Variants in DOCK3 observed in about 807,000 individuals in gnomAD.
The protein encoded by DOCK3 is dedicator of cytokinesis 3.
Under a neutral mutation model 265.6 loss-of-function variants are expected in DOCK3, and 60 were observed. The observed-to-expected ratio is 0.23, with a 90% CI of 0.18 to 0.28. The LOEUF (loss-of-function observed/expected upper bound fraction) is 0.28, where lower values mean the gene tolerates loss of function less well. Among genes scored for constraint, DOCK3 ranks in the 10% least tolerant of loss-of-function variants. The pLI is 1.00. For missense variants in DOCK3, 1,981 were observed against 2,594.3 expected, an observed-to-expected ratio of 0.76 and a Z score of 5.14; for synonymous variants, 881 against 938.0, an observed-to-expected ratio of 0.94 and a Z score of 1.11.
At chr3:50,781,352 C>T (rs1335404094) in intron 2 of DOCK3, among the ~76,000 whole-genome samples, 3 of 145,092 alleles carry the variant, frequency 2.1e-5, no homozygotes, top group Non-Finnish European at 3.0e-5. Context: ...ACTGTAGCCT[C>T]GACCTCCTTG....
At chr3:51,380,954 A>C (rs929285466) in intron 52 of DOCK3, 96 bp from the exon 53 acceptor site, 3 of 1,438,504 alleles carry the variant, frequency 2.1e-6, no homozygotes, top group Admixed American at 4.4e-5. Flanking sequence ...ATGAGGGTTA[A>C]AGTTCATTCA....
intron 22 of DOCK3, 138 bp from the exon 23 acceptor site, chr3:51,260,018 A>G (rs1301406282): frequency 4.9e-6 from 4 of 812,780 alleles, no homozygotes; most frequent in Non-Finnish European, 5.5e-6. Context: ...TAAAGTACCT[A>G]TCTATCTCCA....
At chr3:51,228,604 T>A in intron 17 of DOCK3, 57 bp from the exon 18 acceptor site, 1 of 1,553,230 alleles carries the variant, frequency 6.4e-7, no homozygotes, top group Non-Finnish European at 8.7e-7. Flanking sequence ...TCCTAGGACC[T>A]GGTTTTTGCA....
At chr3:51,010,746 A>C in intron 5 of DOCK3, among the ~76,000 whole-genome samples, 1 of 152,182 alleles carries the variant, frequency 6.6e-6, no homozygotes, top group Admixed American at 6.5e-5. Context: ...ACGCTTTTTC[A>C]GTGACTGGTA....
chr3:50,752,401 C>T (rs1356284647), intron 1 of DOCK3, among the ~76,000 whole-genome samples: 3 of 151,582 alleles, frequency 2.0e-5, no homozygotes, highest in Admixed American at 1.3e-4. Flanking sequence ...CCCAGCTACT[C>T]GGGAGGCTGA....
chr3:50,935,371 A>G (rs1353234547), intron 5 of DOCK3, among the ~76,000 whole-genome samples: 2 of 152,184 alleles, frequency 1.3e-5, no homozygotes, highest in Non-Finnish European at 2.9e-5. Context: ...AGTCTGTAGA[A>G]TGAACTGGAA....
rs545590938 is a variant in DOCK3 at position 50,947,439 on chromosome 3, G to T, written c.315+13362G>T. Among the ~76,000 whole-genome samples, 11 of 152,166 alleles carry T rather than the reference G, an allele frequency of 7.2e-5. 1 individual carries two copies. The South Asian group carries it at 2.3e-3, about 32-fold the overall frequency. ...ATTTCAGTTGAAAGCATTTGCAGGA[G>T]AAATAATTTATCAGGGTTCTTAGAT... On this transcript the variant is annotated intron_variant, in intron 5 of 52. Coordinates refer to ENST00000266037, the MANE Select transcript of DOCK3 (RefSeq NM_004947.5).
At chr3:51,153,692 T>G (rs374374425) in intron 10 of DOCK3, among the ~76,000 whole-genome samples, 13 of 152,350 alleles carry the variant, frequency 8.5e-5, no homozygotes, top group African/African-American at 2.9e-4. Context: ...CATACTGTTG[T>G]TCATGGTCTG....
At chr3:51,330,267 T>G (rs1486615074) in intron 33 of DOCK3, 44 bp downstream of exon 33, 1 of 1,545,340 alleles carries the variant, frequency 6.5e-7, no homozygotes, top group Admixed American at 1.9e-5. Context: ...GGGGATGGGA[T>G]GAAGTGGGCC....
chr3:51,305,364 A>T (rs556513489), intron 27 of DOCK3, among the ~76,000 whole-genome samples: 2 of 152,212 alleles, frequency 1.3e-5, no homozygotes, highest in Non-Finnish European at 2.9e-5. Flanking sequence ...GTCTGATGTT[A>T]ATATAGCCAT....
intron 1 of DOCK3, among the ~76,000 whole-genome samples, chr3:50,769,989 A>G (rs534521018): frequency 7.2e-4 from 110 of 152,248 alleles, no homozygotes; most frequent in African/African-American, 2.6e-3. Context: ...ATGAGAATTC[A>G]GTAAAGTTGC....
At chr3:50,695,776 A>G (rs1486580384) in intron 1 of DOCK3, among the ~76,000 whole-genome samples, 1 of 152,190 alleles carries the variant, frequency 6.6e-6, no homozygotes, top group African/African-American at 2.4e-5. Context: ...TCTACTTCGG[A>G]TCCCACTTCT....
chr3:50,906,040 G>A (rs1267076807), intron 4 of DOCK3, among the ~76,000 whole-genome samples: 1 of 151,886 alleles, frequency 6.6e-6, no homozygotes, highest in Non-Finnish European at 1.5e-5. Context: ...TTTGTCTTTG[G>A]TTCTGTTTAT....
At chr3:50,828,713 T>C (rs1175235453) in intron 2 of DOCK3, among the ~76,000 whole-genome samples, 1 of 150,392 alleles carries the variant, frequency 6.6e-6, no homozygotes, top group Non-Finnish European at 1.5e-5. Context: ...CCTTTTACCC[T>C]TTTCTTTTAT....
At chr3:51,356,811 G>A in intron 43 of DOCK3, 151 bp from the exon 44 acceptor site, 1 of 920,160 alleles carries the variant, frequency 1.1e-6, no homozygotes, top group Non-Finnish European at 1.6e-6. Flanking sequence ...CTATAAATCA[G>A]ACAACAGAAG....
At chr3:50,683,271 T>C (rs1017170101) in intron 1 of DOCK3, among the ~76,000 whole-genome samples, 1 of 152,258 alleles carries the variant, frequency 6.6e-6, no homozygotes, top group Non-Finnish European at 1.5e-5. Context: ...GTATTTTATA[T>C]TTCCGTTAAC....
chr3:51,101,591 C>T (rs1003894846), intron 9 of DOCK3, among the ~76,000 whole-genome samples: 1 of 152,202 alleles, frequency 6.6e-6, no homozygotes, highest in East Asian at 1.9e-4. Context: ...ATAATATGTA[C>T]ACACTAATTC....
rs993761539 is a variant in DOCK3, at chr3:50,875,662, C to T, written c.163-14364C>T. ...CCCTGGGATGAATCCCACTTGATCA[C>T]GATGAATGATGTTTTTGATATGTTG... is the stretch of plus-strand genomic sequence containing the variant. On this transcript the variant is annotated intron_variant, in intron 3 of 52. Coordinates refer to ENST00000266037, the MANE Select transcript of DOCK3 (RefSeq NM_004947.5). 3.9e-5 allele frequency among the ~76,000 whole-genome samples: 6 copies of T among 152,046 alleles called. No homozygotes were observed. The South Asian group carries it at 6.2e-4, about 16-fold the overall frequency.
intron 5 of DOCK3, among the ~76,000 whole-genome samples, chr3:50,949,206 C>T (rs147492035): frequency 6.6e-6 from 1 of 152,182 alleles, no homozygotes; most frequent in East Asian, 1.9e-4. Context: ...TTGGAATATA[C>T]CACAGTGAAA....
Sources: allele counts gnomAD v4.1 joint callset (sites outside exome capture counted in the v4.1 genomes callset), GRCh38; gene constraint gnomAD v4.1.1; transcripts MANE v1.5; gene names NCBI Gene and HGNC (gene_info 2026-07-23, HGNC 2026-07-21).